The following ARHGAP15 variants were observed in gnomAD, a reference collection of about 807,000 sequenced individuals.
ARHGAP15 encodes rho GTPase-activating protein 15.
ARHGAP15 carries 51 observed loss-of-function variants against 63.7 expected under a neutral mutation model. That is an observed-to-expected ratio of 0.80 (90% CI 0.64 to 1.01). The LOEUF is 1.01. ARHGAP15 is among the 50% of genes least tolerant of loss of function. The pLI is 0.00. For missense variants in ARHGAP15, 560 were observed against 564.6 expected (o/e 0.99, Z 0.08); for synonymous variants, 191 against 193.8 (o/e 0.99, Z 0.12).
intron 12 of ARHGAP15, among the ~76,000 whole-genome samples, chr2:143,625,539 C>G (rs1229823608): frequency 6.6e-6 from 1 of 152,124 alleles, no homozygotes; most frequent in South Asian, 2.1e-4. Context: ...TGAGTTGAGG[C>G]TGGAACTCTT....
intron 10 of ARHGAP15, among the ~76,000 whole-genome samples, chr2:143,542,298 G>A (rs1314517806): frequency 1.3e-5 from 2 of 152,144 alleles, no homozygotes; most frequent in African/African-American, 4.8e-5. Flanking sequence ...GACTAGGAAA[G>A]GGAATTCCCT....
intron 1 of ARHGAP15, among the ~76,000 whole-genome samples, chr2:143,144,559 T>A (rs1032463779): frequency 6.6e-6 from 1 of 152,064 alleles, no homozygotes. Context: ...GCAAAAGAAT[T>A]TATTTTCCAG....
chr2:143,554,825 A>G lies in ARHGAP15; in HGVS notation c.926-1583A>G, dbSNP rs1574627226. ...CTTTAAAACAAACAAACCAGAGTAG[A>G]CTTAGATTAATGGAGGTAATTTGTG... is the stretch of plus-strand genomic sequence containing the variant. On this transcript the variant is annotated intron_variant, in intron 10 of 13. Coordinates refer to ENST00000295095, the MANE Select transcript of ARHGAP15 (RefSeq NM_018460.4). Among the ~76,000 whole-genome samples the G allele has an allele frequency of 3.3e-5, 5 of 152,254 alleles. 1 individual carries two copies. Among genetic ancestry groups the G allele is most frequent in the Admixed American group, 3.3e-4 (5 of 15,282 alleles).
chr2:143,298,629 T>C (rs894352469), intron 6 of ARHGAP15, among the ~76,000 whole-genome samples: 21 of 151,954 alleles, frequency 1.4e-4, no homozygotes, highest in Non-Finnish European at 2.9e-4. Flanking sequence ...GTCAGTCTCA[T>C]ACTACTTTTA....
chr2:143,156,595 C>T (rs1690089703), intron 2 of ARHGAP15, among the ~76,000 whole-genome samples: 1 of 151,892 alleles, frequency 6.6e-6, no homozygotes, highest in South Asian at 2.1e-4. Flanking sequence ...TGCTGAGTAG[C>T]ATGTTACCAA....
At chr2:143,187,299 A>T (rs16858757) in intron 2 of ARHGAP15, among the ~76,000 whole-genome samples, 25,761 of 152,164 alleles carry the variant, frequency 0.17, 2,384 homozygotes, top group Middle Eastern at 0.24. Flanking sequence ...GAGTCCCCAC[A>T]TTCCTTTGCC....
At chr2:143,494,825 A>G (rs1311013965) in intron 9 of ARHGAP15, among the ~76,000 whole-genome samples, 2 of 152,184 alleles carry the variant, frequency 1.3e-5, no homozygotes, top group Non-Finnish European at 2.9e-5. Context: ...CTCAAATATC[A>G]TATATTTTCA....
At chr2:143,480,233 TC>T (rs1692014663) in intron 8 of ARHGAP15, among the ~76,000 whole-genome samples, 1 of 152,126 alleles carries the variant, frequency 6.6e-6, no homozygotes, top group Admixed American at 6.5e-5. Context: ...ATACATAAAT[TC>T]CTGAGAAAAG....
chr2:143,220,490 C>T (rs180710654), intron 4 of ARHGAP15, among the ~76,000 whole-genome samples: 1 of 152,264 alleles, frequency 6.6e-6, no homozygotes, highest in East Asian at 1.9e-4. Flanking sequence ...GGATTACAGG[C>T]GTGAGCAATA....
intron 4 of ARHGAP15, among the ~76,000 whole-genome samples, chr2:143,217,099 T>C (rs535167315): frequency 3.3e-5 from 5 of 152,314 alleles, no homozygotes; most frequent in South Asian, 2.1e-4. Context: ...CTGGGTGATA[T>C]GCAAGTTACC....
intron 6 of ARHGAP15, among the ~76,000 whole-genome samples, chr2:143,251,395 C>T (rs1258754702): frequency 6.6e-6 from 1 of 151,770 alleles, no homozygotes; most frequent in Non-Finnish European, 1.5e-5. Context: ...CTTCTGAGAG[C>T]ATGTTGGCCC....
intron 12 of ARHGAP15, among the ~76,000 whole-genome samples, chr2:143,700,196 G>T (rs1684023708): frequency 6.6e-6 from 1 of 152,164 alleles, no homozygotes; most frequent in African/African-American, 2.4e-5. Flanking sequence ...AGGGAGAGCT[G>T]ACTCTAAGAA....
chr2:143,498,184 A>G (rs1692903649), intron 9 of ARHGAP15, among the ~76,000 whole-genome samples: 1 of 152,276 alleles, frequency 6.6e-6, no homozygotes, highest in South Asian at 2.1e-4. Flanking sequence ...GCATTATTTT[A>G]TTTCAGGGGC....
intron 11 of ARHGAP15, among the ~76,000 whole-genome samples, chr2:143,591,232 CA>C (rs1403830105): frequency 1.3e-5 from 2 of 152,102 alleles, no homozygotes; most frequent in African/African-American, 4.8e-5. Flanking sequence ...AACTTCTATC[CA>C]GAGGATCCAC....
intron 11 of ARHGAP15, among the ~76,000 whole-genome samples, chr2:143,621,140 G>A (rs545035555): frequency 6.6e-6 from 1 of 152,212 alleles, no homozygotes; most frequent in East Asian, 1.9e-4. Context: ...AATGCTACTG[G>A]CATCTATTAG....
chr2:143,232,813 T>C (rs35488249), intron 5 of ARHGAP15, among the ~76,000 whole-genome samples: 26,069 of 152,152 alleles, frequency 0.17, 2,371 homozygotes, highest in East Asian at 0.32. Flanking sequence ...TTCATATAAA[T>C]GGAATCCTAG....
At position 143,235,932 on chromosome 2, in the gene ARHGAP15, C is replaced by A. The variant is rs1224981666; in HGVS notation, c.384+7264C>A. 2.6e-6 allele frequency: 4 copies of A among 1,544,568 alleles called. No individual in the cohort carries two copies. The African/African-American group carries it at 5.5e-5, about 21-fold the overall frequency. On this transcript the variant is annotated intron_variant, in intron 5 of 13. Coordinates refer to ENST00000295095, the MANE Select transcript of ARHGAP15 (RefSeq NM_018460.4). Reference sequence around the variant, plus strand: ...GCTTGACTCCTAAGTACCTGCTGTACTTTGTGATTTTAGAGCTTCTGCTTG... The same window carrying A: ...GCTTGACTCCTAAGTACCTGCTGTAATTTGTGATTTTAGAGCTTCTGCTTG...
At chr2:143,582,459 G>C (rs1269321919) in intron 11 of ARHGAP15, among the ~76,000 whole-genome samples, 1 of 152,116 alleles carries the variant, frequency 6.6e-6, no homozygotes, top group African/African-American at 2.4e-5. Flanking sequence ...ACTCTGTGGG[G>C]CAATGAGGAG....
intron 11 of ARHGAP15, among the ~76,000 whole-genome samples, chr2:143,563,408 T>G (rs1056178038): frequency 2.6e-5 from 4 of 152,218 alleles, no homozygotes; most frequent in Non-Finnish European, 5.9e-5. Context: ...TTGGAAACTC[T>G]TTACTATCCA....
Sources: allele counts gnomAD v4.1 joint callset (sites outside exome capture counted in the v4.1 genomes callset), GRCh38; gene constraint gnomAD v4.1.1; transcripts MANE v1.5; gene names NCBI Gene and HGNC (gene_info 2026-07-23, HGNC 2026-07-21).